Variants in DLG2 observed in about 807,000 individuals in gnomAD.
The protein encoded by DLG2 is discs large MAGUK scaffold protein 2, also known as disks large homolog 2.
In DLG2, 45 loss-of-function variants were observed where a neutral mutation model predicts 132.5. That is an observed-to-expected ratio of 0.34 (90% CI 0.27 to 0.44). The LOEUF is 0.44. DLG2 is among the 20% of genes least tolerant of loss of function. DLG2 has a pLI of 1.00. For synonymous variants in DLG2, 424 were observed against 419.6 expected, an observed-to-expected ratio of 1.01 and a Z score of -0.13; for missense variants, 1,045 against 1,196.9, an observed-to-expected ratio of 0.87 and a Z score of 1.87.
At chr11:84,119,642 C>T (rs889828978) in intron 9 of DLG2, among the ~76,000 whole-genome samples, 2 of 151,878 alleles carry the variant, frequency 1.3e-5, no homozygotes, top group Admixed American at 6.6e-5. Flanking sequence ...TTGATGTGCC[C>T]CATTTTTACC....
intron 6 of DLG2, among the ~76,000 whole-genome samples, chr11:85,060,650 A>G (rs994502033): frequency 6.6e-6 from 1 of 151,706 alleles, no homozygotes; most frequent in East Asian, 1.9e-4. Flanking sequence ...AGAAATGCAA[A>G]TATCTCTTTA....
chr11:84,446,135 A>G (rs1210999670), intron 7 of DLG2, among the ~76,000 whole-genome samples: 1 of 151,252 alleles, frequency 6.6e-6, no homozygotes, highest in Non-Finnish European at 1.5e-5. Flanking sequence ...TCTAATTTCT[A>G]TTTTTACCTT....
intron 6 of DLG2, among the ~76,000 whole-genome samples, chr11:84,548,851 G>C (rs890026410): frequency 2.0e-5 from 3 of 152,142 alleles, no homozygotes; most frequent in Non-Finnish European, 4.4e-5. Context: ...ATAGATTAAA[G>C]TGTATGCAAG....
intron 3 of DLG2, among the ~76,000 whole-genome samples, chr11:85,530,902 C>T (rs543189813): frequency 6.6e-6 from 1 of 152,304 alleles, no homozygotes; most frequent in Non-Finnish European, 1.5e-5. Flanking sequence ...AAGCCACTTA[C>T]TTTGACTTAG....
chr11:83,930,616 C>A, intron 14 of DLG2, 133 bp from the exon 15 acceptor site: 1 of 910,582 alleles, frequency 1.1e-6, no homozygotes, highest in African/African-American at 1.7e-5. Flanking sequence ...CTAAAAGAAA[C>A]CCAATTTTCC....
At chr11:83,545,077 A>G (rs12808512) in intron 19 of DLG2, among the ~76,000 whole-genome samples, 10,477 of 152,136 alleles carry the variant, frequency 0.069, 410 homozygotes, top group South Asian at 0.12. Flanking sequence ...CTGGATGTAA[A>G]CTATGGGGAG....
At chr11:85,421,499 T>C (rs1382876241) in intron 3 of DLG2, among the ~76,000 whole-genome samples, 1 of 151,764 alleles carries the variant, frequency 6.6e-6, no homozygotes, top group African/African-American at 2.4e-5. Flanking sequence ...GCTTTTTGTG[T>C]CCATTTGCCT....
chr11:85,342,786 A>C (rs2082587476), intron 3 of DLG2, among the ~76,000 whole-genome samples: 1 of 152,174 alleles, frequency 6.6e-6, no homozygotes, highest in Admixed American at 6.5e-5. Context: ...AAATAACAGA[A>C]ATTTTTCAGC....
intron 4 of DLG2, among the ~76,000 whole-genome samples, chr11:85,231,555 G>C (rs879661535): frequency 1.3e-5 from 2 of 151,578 alleles, no homozygotes; most frequent in Admixed American, 6.6e-5. Context: ...AATCTCTATT[G>C]ACTATTTTTT....
intron 18 of DLG2, among the ~76,000 whole-genome samples, chr11:83,693,553 C>G (rs1000786715): frequency 6.6e-6 from 1 of 152,124 alleles, no homozygotes; most frequent in African/African-American, 2.4e-5. Context: ...CTGTCCACTT[C>G]CCTTTTGATA....
chr11:84,657,112 A>G (rs2099689214), intron 6 of DLG2, among the ~76,000 whole-genome samples: 3 of 152,186 alleles, frequency 2.0e-5, no homozygotes, highest in Admixed American at 2.0e-4. Flanking sequence ...CCTAAAGCAG[A>G]TATTAAAACC....
At chr11:85,261,206 G>C (rs2076922740) in intron 4 of DLG2, among the ~76,000 whole-genome samples, 1 of 152,160 alleles carries the variant, frequency 6.6e-6, no homozygotes, top group South Asian at 2.1e-4. Flanking sequence ...GGTCATGCTG[G>C]AGGGGCTACA....
intron 17 of DLG2, among the ~76,000 whole-genome samples, chr11:83,827,281 C>A (rs1279169209): frequency 6.6e-6 from 1 of 152,090 alleles, no homozygotes; most frequent in African/African-American, 2.4e-5. Flanking sequence ...CTTATCAGTA[C>A]CCCAAGATGG....
intron 6 of DLG2, among the ~76,000 whole-genome samples, chr11:84,990,271 T>G (rs1453587036): frequency 6.6e-6 from 1 of 152,230 alleles, no homozygotes; most frequent in Non-Finnish European, 1.5e-5. Flanking sequence ...CTTTGAATGT[T>G]TGTAGCCCTC....
chr11:84,641,574 T>C (rs564450163), intron 6 of DLG2, among the ~76,000 whole-genome samples: 1 of 152,238 alleles, frequency 6.6e-6, no homozygotes, highest in African/African-American at 2.4e-5. Context: ...TTTTTCTGTA[T>C]AGTAGCCTGG....
intron 7 of DLG2, among the ~76,000 whole-genome samples, chr11:84,464,931 A>G (rs975829949): frequency 6.6e-6 from 1 of 151,182 alleles, no homozygotes; most frequent in Non-Finnish European, 1.5e-5. Context: ...AATGACCCTA[A>G]ATATAAACAA....
intron 6 of DLG2, among the ~76,000 whole-genome samples, chr11:84,599,169 C>A (rs559018452): frequency 3.3e-5 from 5 of 152,010 alleles, no homozygotes; most frequent in African/African-American, 1.2e-4. Flanking sequence ...CATTCGAGCC[C>A]GGGAGGCAGA....
chr11:85,324,898 C>T (rs2081339707), intron 3 of DLG2, among the ~76,000 whole-genome samples: 1 of 148,324 alleles, frequency 6.7e-6, no homozygotes, highest in African/African-American at 2.5e-5. Context: ...ACAGTGGGCG[C>T]AGGCCAGTGT....
intron 6 of DLG2, among the ~76,000 whole-genome samples, chr11:84,877,844 T>C (rs1566240770): frequency 6.6e-6 from 1 of 152,090 alleles, no homozygotes; most frequent in Non-Finnish European, 1.5e-5. Flanking sequence ...GTCCAGAATC[T>C]ACAAGGAACT....
Sources: allele counts gnomAD v4.1 joint callset (sites outside exome capture counted in the v4.1 genomes callset), GRCh38; gene constraint gnomAD v4.1.1; transcripts MANE v1.5; gene names NCBI Gene and HGNC (gene_info 2026-07-23, HGNC 2026-07-21).